The following ZFHX4 variants were observed in gnomAD, a reference collection of about 807,000 sequenced individuals.
ZFHX4 encodes the protein zinc finger homeobox 4.
ZFHX4 carries 56 observed loss-of-function variants against 267.6 expected under a neutral mutation model. That is an observed-to-expected ratio of 0.21 (90% CI 0.17 to 0.26). The LOEUF (loss-of-function observed/expected upper bound fraction) is 0.26. Among genes scored for constraint, ZFHX4 ranks in the 10% least tolerant of loss-of-function variants. ZFHX4 has a pLI of 1.00. For missense variants in ZFHX4, 4,332 were observed against 4,420.0 expected (o/e 0.98, Z 0.56); for synonymous variants, 1,778 against 1,665.6 (o/e 1.07, Z -1.64).
Position 76,852,816 on chromosome 8 carries a change from A to C in ZFHX4, c.5895A>C (p.Gln1965His), listed in dbSNP as rs2131948096. 6.2e-7 allele frequency: 1 copy of C among 1,613,852 alleles called. No homozygotes were observed. Among genetic ancestry groups the C allele is most frequent in the Non-Finnish European group, 8.5e-7 (1 of 1,179,838 alleles). ...ATGTTCTTATTTTAAAGAGTCACCA[A>C]GAACATGTACATGGGCAATTTTTTC... is the stretch of plus-strand genomic sequence containing the variant. ...FSNVLILKSH[Q>H]EHVHGQFFPY... The change falls in exon 10 of 11, where the codon CAA becomes CAC. Residue 1965 changes from glutamine to histidine, a missense_variant. Gln to His is a conservative substitution (Grantham distance 24). Coordinates refer to ENST00000651372, the MANE Select transcript of ZFHX4 (RefSeq NM_024721.5).
At chr8:76,741,454 T>G (rs1809313186) in intron 3 of ZFHX4, among the ~76,000 whole-genome samples, 1 of 152,222 alleles carries the variant, frequency 6.6e-6, no homozygotes, top group African/African-American at 2.4e-5. Context: ...CACATTCCAA[T>G]GGCCAGGAGC....
intron 4 of ZFHX4, among the ~76,000 whole-genome samples, chr8:76,793,289 A>G (rs1371738353): frequency 6.6e-6 from 1 of 151,842 alleles, no homozygotes; most frequent in Non-Finnish European, 1.5e-5. Flanking sequence ...GGTGGCATAC[A>G]TACAGGCGTT....
rs919468938 is a variant in ZFHX4, at chr8:76,863,729, G to C, written c.10015G>C (p.Glu3339Gln). 14 of 1,559,106 alleles carry C rather than the reference G, an allele frequency of 9.0e-6. No homozygotes were observed. Among genetic ancestry groups the C allele is most frequent in the Non-Finnish European group, 1.2e-5 (14 of 1,151,152 alleles). Residue 3339 changes from glutamate (E) to glutamine (Q), a missense_variant, in exon 11 of 11, where the codon GAA becomes CAA. This residue lies in a region of ZFHX4 where 1,648 missense variants were observed against 1,625.0 expected (regional missense o/e 1.01). Coordinates refer to ENST00000651372, the MANE Select transcript of ZFHX4 (RefSeq NM_024721.5). Reference sequence around the variant, plus strand: ...GCAAAAGCAGCAAAAGCAACAGCAAGAACAGCAGCAGAAACCAGTTCAGGC... The same window carrying C: ...GCAAAAGCAGCAAAAGCAACAGCAACAACAGCAGCAGAAACCAGTTCAGGC... ...SLQKQQKQQQ[E>Q]QQQKPVQAKT...
intron 3 of ZFHX4, among the ~76,000 whole-genome samples, chr8:76,729,878 A>G (rs1473096323): frequency 6.6e-6 from 1 of 152,192 alleles, no homozygotes; most frequent in Admixed American, 6.6e-5. Flanking sequence ...TCTCAAAAGA[A>G]GAAGAATAGG....
intron 3 of ZFHX4, among the ~76,000 whole-genome samples, chr8:76,765,934 A>G (rs1256048894): frequency 6.6e-6 from 1 of 152,112 alleles, no homozygotes; most frequent in Non-Finnish European, 1.5e-5. Context: ...TCCCACTTCA[A>G]AAATCCATGC....
intron 4 of ZFHX4, among the ~76,000 whole-genome samples, chr8:76,808,498 A>C (rs1007742766): frequency 2.0e-5 from 3 of 152,178 alleles, no homozygotes; most frequent in African/African-American, 7.2e-5. Flanking sequence ...GATGACGCTA[A>C]CGAATCCCAG....
intron 1 of ZFHX4, among the ~76,000 whole-genome samples, chr8:76,690,571 C>A (rs1807797503): frequency 6.6e-6 from 1 of 151,928 alleles, no homozygotes; most frequent in Non-Finnish European, 1.5e-5. Flanking sequence ...TTTTAAAATA[C>A]CATAAATTTT....
Position 76,854,963 on chromosome 8 carries a change from G to A in ZFHX4, c.8042G>A (p.Arg2681Gln). The A allele has an allele frequency of 6.2e-7, 1 of 1,613,928 alleles. No homozygotes were observed. The highest frequency in any genetic ancestry group is 8.5e-7 in the Non-Finnish European group (1 of 1,179,870). The change falls in exon 10 of 11, where the codon CGA becomes CAA. Residue 2681 changes from arginine to glutamine, a missense_variant. This residue lies in a region of ZFHX4 where 1,648 missense variants were observed against 1,625.0 expected (regional missense o/e 1.01). Transcript: ENST00000651372. ...AQSHKRCPFC[R>Q]ALFKAKSALE... ...TCTCATAAACGGTGTCCGTTTTGCCGAGCCCTGTTTAAAGCAAAGTCGGCC... is the reference window on the plus strand; with the variant it reads ...TCTCATAAACGGTGTCCGTTTTGCCAAGCCCTGTTTAAAGCAAAGTCGGCC...
rs1275668626 is a variant in ZFHX4 at position 76,855,117 on chromosome 8, C to T, written c.8196C>T (p.Tyr2732=). The T allele has an allele frequency of 4.3e-6, 7 of 1,613,614 alleles. No individual in the cohort carries two copies. The highest frequency in any genetic ancestry group is 5.9e-6 in the Non-Finnish European group (7 of 1,179,730). ...CACAGAAATACATCTATTTTGATTA[C>T]CCATCTTTGCCATTAACTAAAATTG... is the stretch of plus-strand genomic sequence containing the variant. The part of the protein sequence containing the change: ...ESPQKYIYFD[Y]PSLPLTKIDL... The change falls in exon 10 of 11, where the codon TAC becomes TAT. Residue 2732 remains tyrosine, a synonymous_variant. Transcript: ENST00000651372.
chr8:76,862,412 A>T (rs903979405), intron 10 of ZFHX4, among the ~76,000 whole-genome samples: 15 of 152,204 alleles, frequency 9.9e-5, no homozygotes, highest in Admixed American at 7.2e-4. Context: ...AGTTGTCAGG[A>T]TGGTAACAAA....
At chr8:76,710,895 A>G (rs940559767) in intron 3 of ZFHX4, among the ~76,000 whole-genome samples, 1 of 152,128 alleles carries the variant, frequency 6.6e-6, no homozygotes, top group Non-Finnish European at 1.5e-5. Context: ...TTGACTTGAA[A>G]CTGATCAATG....
Position 76,865,385 on chromosome 8 carries a change from T to A in ZFHX4, c.*820T>A, listed in dbSNP as rs1480696331. ...GTTTTGATAGACTCTGAGGATTATG[T>A]GAACAGGACATTTTTCATTTGTGAA... On this transcript the variant is annotated 3_prime_UTR_variant, in exon 11 of 11. Coordinates refer to ENST00000651372, the MANE Select transcript of ZFHX4 (RefSeq NM_024721.5). The A allele has an allele frequency of 6.6e-6, 1 of 152,634 alleles. No individual in the cohort carries two copies. Among genetic ancestry groups the A allele is most frequent in the Non-Finnish European group, 1.5e-5 (1 of 68,030 alleles). The allele number at this position is 152,634 out of a possible 1,614,324, so 9.5% of individuals were successfully genotyped here.
At chr8:76,811,531 T>G (rs1293046762) in intron 4 of ZFHX4, among the ~76,000 whole-genome samples, 1 of 152,110 alleles carries the variant, frequency 6.6e-6, no homozygotes. Flanking sequence ...TCAATGTAAT[T>G]GGGTCCTGTG....
chr8:76,764,399 G>A (rs2131736218), intron 3 of ZFHX4, among the ~76,000 whole-genome samples: 1 of 152,212 alleles, frequency 6.6e-6, no homozygotes, highest in East Asian at 1.9e-4. Context: ...TCACGGACCA[G>A]CTGAGTTTAC....
intron 3 of ZFHX4, among the ~76,000 whole-genome samples, chr8:76,742,490 A>G (rs1809346221): frequency 6.6e-6 from 1 of 152,132 alleles, no homozygotes; most frequent in Admixed American, 6.6e-5. Context: ...GAGAGTTTAG[A>G]TATTGCACTT....
chr8:76,831,467 T>C (rs1811931631), intron 4 of ZFHX4, among the ~76,000 whole-genome samples: 1 of 152,198 alleles, frequency 6.6e-6, no homozygotes, highest in Admixed American at 6.5e-5. Context: ...GCTCTGAATT[T>C]AGAGTCCTGA....
intron 1 of ZFHX4, among the ~76,000 whole-genome samples, chr8:76,699,103 A>G (rs1808034499): frequency 6.6e-6 from 1 of 152,194 alleles, no homozygotes; most frequent in Non-Finnish European, 1.5e-5. Flanking sequence ...GATTGCCAGC[A>G]AAGAAAAATT....
chr8:76,701,302 T>C (rs899712183), intron 1 of ZFHX4, among the ~76,000 whole-genome samples: 1 of 152,188 alleles, frequency 6.6e-6, no homozygotes, highest in Non-Finnish European at 1.5e-5. Context: ...TTTGATTGTA[T>C]AGAAGACAGG....
chr8:76,795,896 A>G (rs1810969140), intron 4 of ZFHX4, among the ~76,000 whole-genome samples: 1 of 152,162 alleles, frequency 6.6e-6, no homozygotes, highest in Non-Finnish European at 1.5e-5. Context: ...CATGGAATAT[A>G]CAGTAAGGGC....
Sources: gnomAD v4.1 joint callset for allele counts (sites outside exome capture counted in the v4.1 genomes callset) on GRCh38, gnomAD v4.1.1 for gene constraint, gnomAD v4.1.1 regional missense constraint, MANE v1.5 for transcripts, NCBI Gene and HGNC (gene_info 2026-07-23, HGNC 2026-07-21) for gene names.